Variants in BCL7A observed in about 807,000 individuals in gnomAD.
BCL7A encodes BAF chromatin remodeling complex subunit BCL7A, also known as B-cell CLL/lymphoma 7 protein family member A.
A neutral mutation model predicts 28.4 loss-of-function variants in BCL7A; 11 were observed. That is an observed-to-expected ratio of 0.39 (90% confidence interval 0.24 to 0.64). The LOEUF (loss-of-function observed/expected upper bound fraction) is 0.64. BCL7A is among the 30% of genes least tolerant of loss of function. The pLI, the probability that BCL7A is intolerant of heterozygous loss-of-function variation, is 0.50. For synonymous variants in BCL7A, 123 were observed against 103.3 expected, an observed-to-expected ratio of 1.19 and a Z score of -1.15; for missense variants, 222 against 274.8, an observed-to-expected ratio of 0.81 and a Z score of 1.36.
chr12:122,050,403 TAAAATCACCCCCTGC>T (rs1227081260), intron 4 of BCL7A, among the ~76,000 whole-genome samples: 1 of 151,498 alleles, frequency 6.6e-6, no homozygotes, highest in East Asian at 1.9e-4. Flanking sequence ...GGGGCAGGGG[TAAAATCACCCCCTGC>T]TGAGAGCCAG....
chr12:122,060,864 C>T lies in BCL7A; in HGVS notation c.*1701C>T. On this transcript the variant is annotated 3_prime_UTR_variant, in exon 6 of 6. Coordinates refer to ENST00000261822, the MANE Select transcript of BCL7A (RefSeq NM_001024808.3). ...TCAAAATGTTCCTGAATTTCAAATA[C>T]CTCATGCAAAATGTCTCCTGAAATA... 4.4e-6 allele frequency: 1 copy of T among 227,140 alleles called. No individual in the cohort carries two copies. The highest frequency in any genetic ancestry group is 8.7e-6 in the Non-Finnish European group (1 of 114,540). 14.1% of individuals were successfully genotyped at this position (227,140 alleles called of 1,614,324 possible).
intron 1 of BCL7A, among the ~76,000 whole-genome samples, chr12:122,028,015 C>T (rs2135840121): frequency 6.6e-6 from 1 of 152,238 alleles, no homozygotes; most frequent in Middle Eastern, 3.4e-3. Flanking sequence ...CCCAGTGTGT[C>T]TGTGGCTGTG....
chr12:122,054,848 G>C lies in BCL7A; in HGVS notation c.483G>C (p.Ser161=). The C allele has an allele frequency of 1.2e-6, 2 of 1,614,186 alleles. No individual in the cohort carries two copies. Among genetic ancestry groups the C allele is most frequent in the Non-Finnish European group, 8.5e-7 (1 of 1,180,044 alleles). Residue 161 remains serine (S), a synonymous_variant, in exon 5 of 6, where the codon TCG becomes TCC. Coordinates refer to ENST00000261822, the MANE Select transcript of BCL7A (RefSeq NM_001024808.3). ...ATTCACAGTCCTCGATGGAACATTC[G>C]ATGAACAGCTCAGAGAAAGTAGATC... ...EQNSQSSMEH[S]MNSSEKVDRQ... is the part of the protein sequence containing the mutation.
At chr12:122,028,186 C>T (rs1352180939) in intron 1 of BCL7A, among the ~76,000 whole-genome samples, 1 of 152,178 alleles carries the variant, frequency 6.6e-6, no homozygotes, top group African/African-American at 2.4e-5. Flanking sequence ...CCTAGAAATA[C>T]AGTTTCTCAT....
In BCL7A at chr12:122,029,781, G is replaced by A. The variant is rs1302893213; in HGVS notation, c.93-919G>A. ...GTCCCCTCAGGGGTGTGGCTGCTGG[G>A]TCTTCGTGGCGGTAAGGGACAAGTC... is the stretch of plus-strand genomic sequence containing the variant. On this transcript the variant is annotated intron_variant, in intron 1 of 5. Transcript: ENST00000261822. This position sits in a 1 kb window ranked among gnomAD's most constrained non-coding sequence, Gnocchi z 4.3. Among the ~76,000 whole-genome samples, 1 of 152,188 alleles carries A rather than the reference G, an allele frequency of 6.6e-6. No homozygotes were observed. Among genetic ancestry groups the A allele is most frequent in the East Asian group, 1.9e-4 (1 of 5,190 alleles).
chr12:122,044,290 C>G, intron 4 of BCL7A: 1 of 468,654 alleles, frequency 2.1e-6, no homozygotes, highest in East Asian at 3.9e-5. Flanking sequence ...GTGAGGACTG[C>G]TTGAGCCTAG....
At chr12:122,042,005 G>A (rs922294047) in intron 3 of BCL7A, among the ~76,000 whole-genome samples, 6 of 152,178 alleles carry the variant, frequency 3.9e-5, no homozygotes, top group South Asian at 2.1e-4. Context: ...TGAACCAGGA[G>A]GTGGAGATTA....
intron 1 of BCL7A, among the ~76,000 whole-genome samples, chr12:122,025,131 G>A (rs563665155): frequency 1.3e-5 from 2 of 152,276 alleles, no homozygotes; most frequent in African/African-American, 4.8e-5. Flanking sequence ...CTGGGCCAGG[G>A]TTTGGGGGCC....
intron 2 of BCL7A, among the ~76,000 whole-genome samples, chr12:122,034,341 G>A (rs559708329): frequency 2.8e-4 from 41 of 146,062 alleles, no homozygotes; most frequent in Non-Finnish European, 5.5e-4. Context: ...TGTTGCATCC[G>A]ATTTCATTGA....
At chr12:122,054,236 C>T (rs1427354424) in intron 4 of BCL7A, among the ~76,000 whole-genome samples, 1 of 152,168 alleles carries the variant, frequency 6.6e-6, no homozygotes, top group South Asian at 2.1e-4. Context: ...AGGCGCCCGC[C>T]GCCACCACGC....
At chr12:122,031,998 C>T (rs572849119) in intron 2 of BCL7A, among the ~76,000 whole-genome samples, 2 of 152,310 alleles carry the variant, frequency 1.3e-5, no homozygotes, top group East Asian at 1.9e-4. Context: ...AGTCCTTCTA[C>T]CTGGGAAGAT....
chr12:122,054,760 C>G (rs376168196), intron 4 of BCL7A, 45 bp from the exon 5 acceptor site: 226 of 1,594,714 alleles, frequency 1.4e-4, no homozygotes, highest in Middle Eastern at 1.0e-3. Context: ...GGCCCCGCCT[C>G]TCACGTGTCT....
In BCL7A at chr12:122,035,405, C is replaced by T. The variant is rs1397709801; in HGVS notation, c.249C>T (p.Ser83=). ...SEVTTPENSS[S]PGMMDMHDDN... ...TGACCACTCCGGAGAACAGTTCCTC[C>T]CCAGGGATGATGGACATGCATGGTG... Residue 83 remains serine (S), a synonymous_variant, in exon 3 of 6, where the codon TCC becomes TCT. Transcript: ENST00000261822. The T allele has an allele frequency of 1.2e-6, 2 of 1,614,122 alleles. No individual in the cohort carries two copies. The highest frequency in any genetic ancestry group is 1.1e-5 in the South Asian group (1 of 91,084).
chr12:122,024,462 GT>G (rs59459424), intron 1 of BCL7A, among the ~76,000 whole-genome samples: 34,136 of 88,708 alleles, frequency 0.38, 4,510 homozygotes, highest in East Asian at 0.62. Flanking sequence ...GAGGTTTTTT[GT>G]TTTTTTTTTT....
At chr12:122,023,931 T>C (rs1854062421) in intron 1 of BCL7A, among the ~76,000 whole-genome samples, 1 of 152,244 alleles carries the variant, frequency 6.6e-6, no homozygotes, top group Admixed American at 6.5e-5. Flanking sequence ...CAAGCCGCCT[T>C]TCTCTGCTCG....
At chr12:122,045,281 T>C (rs773138603) in intron 4 of BCL7A, among the ~76,000 whole-genome samples, 10 of 152,150 alleles carry the variant, frequency 6.6e-5, no homozygotes, top group Admixed American at 1.3e-4. Flanking sequence ...GTCAGGAGGC[T>C]GAGGCAAGAG....
intron 3 of BCL7A, among the ~76,000 whole-genome samples, chr12:122,039,891 G>C (rs927863090): frequency 6.6e-6 from 1 of 151,916 alleles, no homozygotes; most frequent in Non-Finnish European, 1.5e-5. Context: ...ATAGAGACAG[G>C]GTCTTGCTAT....
At chr12:122,022,737 C>G (rs2135833549) in intron 1 of BCL7A, among the ~76,000 whole-genome samples, 1 of 150,098 alleles carries the variant, frequency 6.7e-6, no homozygotes, top group Non-Finnish European at 1.5e-5. Flanking sequence ...GGGCCCGGCG[C>G]CCTCGAGTCT....
At chr12:122,025,520 G>A (rs1421809162) in intron 1 of BCL7A, among the ~76,000 whole-genome samples, 2 of 151,806 alleles carry the variant, frequency 1.3e-5, no homozygotes, top group African/African-American at 2.4e-5. Context: ...CCAGCTACTT[G>A]GGAGGCTGAG....
Sources: allele counts gnomAD v4.1 joint callset (sites outside exome capture counted in the v4.1 genomes callset), GRCh38; gene constraint gnomAD v4.1.1; non-coding constraint Gnocchi (gnomAD v3.1); transcripts MANE v1.5; gene names NCBI Gene and HGNC (gene_info 2026-07-23, HGNC 2026-07-21).